Variants in NTRK2 observed in about 807,000 individuals in gnomAD.
NTRK2 encodes the protein BDNF/NT-3 growth factors receptor.
NTRK2 carries 13 observed loss-of-function variants against 94.5 expected under a neutral mutation model. The ratio of observed to expected loss-of-function variants is 0.14; its 90% CI spans 0.09 to 0.22. The LOEUF (loss-of-function observed/expected upper bound fraction) is 0.22, where lower values mean the gene tolerates loss of function less well. Ranked by LOEUF, NTRK2 falls within the 10% of genes least tolerant of loss-of-function variation. The pLI, the probability that NTRK2 is intolerant of heterozygous loss-of-function variation, is 1.00. For synonymous variants in NTRK2, 372 were observed against 407.4 expected, an observed-to-expected ratio of 0.91 and a Z score of 1.05; for missense variants, 639 against 1,071.2, an observed-to-expected ratio of 0.60 and a Z score of 5.63.
At chr9:84,939,067 A>G (rs868420204) in intron 15 of NTRK2, among the ~76,000 whole-genome samples, 6 of 144,662 alleles carry the variant, frequency 4.1e-5, no homozygotes, top group East Asian at 4.1e-4. Context: ...AAAAAAAAAA[A>G]AAAAGAAAAG....
At position 84,740,547 on chromosome 9, in the gene NTRK2, G is replaced by T. The variant is rs143630541; in HGVS notation, c.1160-1345G>T. Among the ~76,000 whole-genome samples, 617 of 152,312 alleles carry T rather than the reference G, an allele frequency of 4.1e-3. 9 individuals carry two copies. The highest frequency in any genetic ancestry group is 0.014 in the African/African-American group (590 of 41,574). ...GTGGCTGCACAGGTGCACAGGGTGT[G>T]CACTGCACAATTTCCCATCACATGT... On this transcript the variant is annotated intron_variant, in intron 9 of 18. Coordinates refer to ENST00000277120, the MANE Select transcript of NTRK2 (RefSeq NM_006180.6).
intron 12 of NTRK2, among the ~76,000 whole-genome samples, chr9:84,832,977 G>A (rs939384189): frequency 4.6e-5 from 7 of 152,134 alleles, no homozygotes; most frequent in Non-Finnish European, 8.8e-5. Context: ...TGAGAAGGCC[G>A]TGCTGGGCTG....
chr9:84,834,596 A>G (rs2073761271), intron 12 of NTRK2, among the ~76,000 whole-genome samples: 1 of 152,088 alleles, frequency 6.6e-6, no homozygotes, highest in Admixed American at 6.6e-5. Context: ...TTCAAATCGG[A>G]GGGGTGTGTC....
chr9:84,982,616 T>C (rs1281731411), intron 17 of NTRK2, among the ~76,000 whole-genome samples: 1 of 152,174 alleles, frequency 6.6e-6, no homozygotes, highest in East Asian at 1.9e-4. Flanking sequence ...TTAGCTTTAT[T>C]TTAGCCCCCT....
At chr9:85,010,438 A>G (rs564344644) in intron 17 of NTRK2, among the ~76,000 whole-genome samples, 1 of 152,318 alleles carries the variant, frequency 6.6e-6, no homozygotes, top group South Asian at 2.1e-4. Context: ...CATAATGCTC[A>G]GGAGGCCATG....
intron 12 of NTRK2, among the ~76,000 whole-genome samples, chr9:84,790,126 G>T (rs540907981): frequency 4.0e-4 from 61 of 152,224 alleles, no homozygotes; most frequent in Middle Eastern, 6.8e-3. Flanking sequence ...AATCTAAGTG[G>T]TCTATATGCC....
chr9:84,811,909 A>AACCCCC, intron 12 of NTRK2: 12 of 629,874 alleles, frequency 1.9e-5, no homozygotes, highest in Non-Finnish European at 2.2e-5. Flanking sequence ...GGCTATCCCC[A>AACCCCC]CCCCACCCCA....
At chr9:84,826,060 C>T (rs569170004) in intron 12 of NTRK2, among the ~76,000 whole-genome samples, 3 of 152,310 alleles carry the variant, frequency 2.0e-5, no homozygotes, top group East Asian at 1.9e-4. Context: ...ACCCCCCACC[C>T]GCCATGGACA....
intron 14 of NTRK2, among the ~76,000 whole-genome samples, chr9:84,911,313 AC>A (rs1205142519): frequency 6.6e-6 from 1 of 152,042 alleles, no homozygotes; most frequent in African/African-American, 2.4e-5. Flanking sequence ...ATGTATAAAT[AC>A]TCTCTCCACT....
intron 14 of NTRK2, among the ~76,000 whole-genome samples, chr9:84,870,634 G>A (rs1392509032): frequency 6.6e-6 from 1 of 151,816 alleles, no homozygotes; most frequent in Non-Finnish European, 1.5e-5. Flanking sequence ...ATGCAGGCAT[G>A]AGCCCCATTG....
intron 12 of NTRK2, among the ~76,000 whole-genome samples, chr9:84,795,123 A>G (rs1307451267): frequency 2.0e-5 from 3 of 152,202 alleles, no homozygotes; most frequent in Non-Finnish European, 2.9e-5. Context: ...GACTGCAAGC[A>G]TAGGCAAGTT....
Position 84,752,084 on chromosome 9 carries a change from A to G in NTRK2, c.1395A>G (p.Lys465=), listed in dbSNP as rs2064672156. The change falls in exon 12 of 19, where the codon AAA becomes AAG. Residue 465 remains lysine (K), a splice_region_variant and synonymous_variant. Transcript: ENST00000277120. ...CAAGACACTCCAAGTTTGGCATGAA[A>G]GGTAAGAAGGGTTGTGTTTATTTAG... The part of the protein sequence containing the change: ...KLARHSKFGM[K]DFSWFGFGKV... 1 of 1,612,698 alleles carries G rather than the reference A, an allele frequency of 6.2e-7. No individual in the cohort carries two copies. The highest frequency in any genetic ancestry group is 1.3e-5 in the African/African-American group (1 of 74,906).
At chr9:84,814,862 G>A (rs750074615) in intron 12 of NTRK2, 8 of 1,063,126 alleles carry the variant, frequency 7.5e-6, no homozygotes, top group East Asian at 5.1e-5. Context: ...GCGCAGCTTA[G>A]CTGACTTGAC....
At chr9:84,697,323 C>T (rs1477081181) in intron 2 of NTRK2, among the ~76,000 whole-genome samples, 1 of 152,106 alleles carries the variant, frequency 6.6e-6, no homozygotes, top group Non-Finnish European at 1.5e-5. Flanking sequence ...TGCTTGGAAG[C>T]CCCTGGGCCT....
chr9:84,760,991 A>G (rs2065516694), intron 12 of NTRK2, among the ~76,000 whole-genome samples: 1 of 152,232 alleles, frequency 6.6e-6, no homozygotes, highest in African/African-American at 2.4e-5. Flanking sequence ...CATTTATATT[A>G]TTATAACCAC....
intron 2 of NTRK2, among the ~76,000 whole-genome samples, chr9:84,677,178 A>T (rs566840032): frequency 6.6e-6 from 1 of 152,310 alleles, no homozygotes; most frequent in Admixed American, 6.5e-5. Flanking sequence ...TCTTTGCCAC[A>T]GTCGGGGGTG....
At chr9:84,878,015 C>A in intron 14 of NTRK2, 1 of 910,434 alleles carries the variant, frequency 1.1e-6, no homozygotes, top group Non-Finnish European at 1.3e-6. Context: ...TAGAAGTTGT[C>A]CGCATTGGTT....
intron 12 of NTRK2, chr9:84,813,478 C>G (rs2072038894): frequency 9.4e-7 from 1 of 1,065,108 alleles, no homozygotes; most frequent in Non-Finnish European, 1.1e-6. Context: ...ATCCTTCTGT[C>G]TTCCCGTTGC....
At chr9:84,831,042 G>A (rs986303467) in intron 12 of NTRK2, among the ~76,000 whole-genome samples, 9 of 152,030 alleles carry the variant, frequency 5.9e-5, no homozygotes, top group Non-Finnish European at 1.0e-4. Context: ...CTTTTCCATC[G>A]CTCTGTAATA....
Sources: allele counts gnomAD v4.1 joint callset (sites outside exome capture counted in the v4.1 genomes callset), GRCh38; gene constraint gnomAD v4.1.1; transcripts MANE v1.5; gene names NCBI Gene and HGNC (gene_info 2026-07-23, HGNC 2026-07-21).